The following TFAP2A variants were observed in gnomAD, a reference collection of about 807,000 sequenced individuals.
TFAP2A encodes transcription factor AP-2 alpha.
A neutral mutation model predicts 41.5 loss-of-function variants in TFAP2A; 7 were observed. The observed-to-expected ratio is 0.17, with a 90% CI of 0.10 to 0.32. TFAP2A has a LOEUF of 0.32. TFAP2A is among the 10% of genes least tolerant of loss of function. The pLI, the probability that TFAP2A is intolerant of heterozygous loss-of-function variation, is 1.00. For synonymous variants in TFAP2A, 247 were observed against 242.8 expected (o/e 1.02, Z -0.16); for missense variants, 416 against 563.3 (o/e 0.74, Z 2.65).
chr6:10,404,454 G>C, intron 4 of TFAP2A, 54 bp downstream of exon 4: 1 of 1,337,826 alleles, frequency 7.5e-7, no homozygotes, highest in Non-Finnish European at 9.8e-7. Context: ...CGGCGCAAGC[G>C]CAGTGGTTCC....
chr6:10,402,812 A>C (rs867689118), intron 4 of TFAP2A, among the ~76,000 whole-genome samples: 2 of 152,180 alleles, frequency 1.3e-5, no homozygotes, highest in Non-Finnish European at 2.9e-5. Context: ...AGCACCCCCT[A>C]CGTTCAGTTA....
At chr6:10,399,292 C>T (rs766544605) in intron 6 of TFAP2A, among the ~76,000 whole-genome samples, 9 of 152,192 alleles carry the variant, frequency 5.9e-5, no homozygotes, top group Non-Finnish European at 1.0e-4. Flanking sequence ...AAAAACAAAA[C>T]GGGCCCACAC....
rs542735453 is a variant in TFAP2A at position 10,410,948 on chromosome 6, T to C, written c.52-613A>G. 84 of 158,294 alleles carry C rather than the reference T, an allele frequency of 5.3e-4. 1 individual carries two copies. The highest frequency in any genetic ancestry group is 3.3e-3 in the Middle Eastern group (1 of 300). 9.8% of individuals were successfully genotyped at this position (158,294 alleles called of 1,614,324 possible). On this transcript the variant is annotated intron_variant, in intron 1 of 6. Transcript: ENST00000379613. Reference sequence around the variant, plus strand: ...CCTTTTTCTCGACAGAGTCGATTTATGGTTTGGATAGGGAAAGGGGGACGT... The same window carrying C: ...CCTTTTTCTCGACAGAGTCGATTTACGGTTTGGATAGGGAAAGGGGGACGT...
At chr6:10,404,464 C>T in intron 4 of TFAP2A, 44 bp downstream of exon 4, 2 of 1,429,284 alleles carry the variant, frequency 1.4e-6, no homozygotes, top group Non-Finnish European at 1.9e-6. Flanking sequence ...GCAGTGGTTC[C>T]CCCGGCCGCG....
upstream of TFAP2A, among the ~76,000 whole-genome samples, chr6:10,417,503 C>T (rs1367283895): frequency 1.3e-5 from 2 of 152,214 alleles, no homozygotes; most frequent in African/African-American, 4.8e-5. Context: ...CGCTTCATTG[C>T]ATGTCAATGC....
Position 10,410,229 on chromosome 6 carries a change from G to A in TFAP2A, c.158C>T (p.Ala53Val). 1.6e-6 allele frequency: 1 copy of A among 611,612 alleles called. No homozygotes were observed. Among genetic ancestry groups the A allele is most frequent in the Non-Finnish European group, 2.9e-6 (1 of 349,258 alleles). 37.9% of individuals were successfully genotyped at this position (611,612 alleles called of 1,614,324 possible). A position where few individuals can be genotyped will look rare whatever the true frequency, so the allele number is the denominator to read the frequency against. ...GGGGAAGTATGGGGGCTGGAAGTCG[G>A]CATTGGGGGTGTGGGACAGCGGCGG... ...SAPPLSHTPN[A>V]DFQPPYFPPP... is the part of the protein sequence containing the mutation. Residue 53 changes from alanine to valine, a missense_variant, in exon 2 of 7, where the codon GCC becomes GTC. This residue lies in a region of TFAP2A where 241 missense variants were observed against 274.1 expected (regional missense o/e 0.88). Transcript: ENST00000379613.
chr6:10,404,216 G>A (rs770703605), intron 4 of TFAP2A, among the ~76,000 whole-genome samples: 10 of 152,214 alleles, frequency 6.6e-5, no homozygotes, highest in Non-Finnish European at 1.3e-4. Context: ...GCGCTTGCGC[G>A]AGGAGGAGGG....
At chr6:10,404,957 T>C (rs1757640555) in intron 3 of TFAP2A, 1 of 594,766 alleles carries the variant, frequency 1.7e-6, no homozygotes, top group Non-Finnish European at 3.0e-6. Flanking sequence ...GGCCCTGCCC[T>C]CCCCCAGCCA....
intron 2 of TFAP2A, chr6:10,409,172 A>G (rs1188891953): frequency 1.3e-5 from 2 of 152,270 alleles, no homozygotes; most frequent in South Asian, 2.1e-4. Flanking sequence ...TTTAGAAATC[A>G]TTTTAAACTG....
At chr6:10,402,445 T>A in intron 5 of TFAP2A, 47 bp downstream of exon 5, 4 of 1,389,146 alleles carry the variant, frequency 2.9e-6, no homozygotes, top group Non-Finnish European at 4.1e-6. Context: ...ATATTATCCA[T>A]TTTCCAAGAA....
chr6:10,414,059 G>A (rs751846291), intron 1 of TFAP2A, among the ~76,000 whole-genome samples: 4 of 152,242 alleles, frequency 2.6e-5, no homozygotes, highest in Non-Finnish European at 1.5e-5. Context: ...GAGCTCAGGG[G>A]ACTCTGCGTT....
intron 4 of TFAP2A, among the ~76,000 whole-genome samples, 180 bp from the exon 5 acceptor site, chr6:10,402,790 G>T (rs554342784): frequency 2.2e-4 from 34 of 152,328 alleles, no homozygotes; most frequent in African/African-American, 7.7e-4. Flanking sequence ...ATAAACGCCT[G>T]TTAAACTGTA....
At chr6:10,417,467 A>C (rs942167501), upstream of TFAP2A, among the ~76,000 whole-genome samples, 1 of 152,220 alleles carries the variant, frequency 6.6e-6, no homozygotes, top group Non-Finnish European at 1.5e-5. Context: ...AGCTGCATTT[A>C]TGCCAGCGTC....
intron 4 of TFAP2A, among the ~76,000 whole-genome samples, chr6:10,403,512 G>T (rs544856924): frequency 6.6e-6 from 1 of 152,308 alleles, no homozygotes; most frequent in Admixed American, 6.5e-5. Context: ...TAGGCTTTGT[G>T]CGGGATATAG....
Position 10,404,589 on chromosome 6 carries a change from T to G in TFAP2A, c.689A>C (p.Lys230Thr). The stretch of plus-strand genomic sequence containing the variant: ...CCGCTGCACTTCCGCCACCGTGACC[T>G]TGTACTTCGAGGTGGAGCTGAGGAG... Reference protein sequence around the residue: ...LSLLSSTSKYKVTVAEVQRRL... With the variant: ...LSLLSSTSKYTVTVAEVQRRL... The change falls in exon 4 of 7, where the codon AAG becomes ACG. Residue 230 changes from lysine to threonine, a missense_variant. This residue lies in a region of TFAP2A where 59 missense variants were observed against 135.4 expected (regional missense o/e 0.44). Transcript: ENST00000379613. 2 of 1,614,060 alleles carry G rather than the reference T, an allele frequency of 1.2e-6. No homozygotes were observed. The highest frequency in any genetic ancestry group is 1.7e-6 in the Non-Finnish European group (2 of 1,179,974).
intron 6 of TFAP2A, among the ~76,000 whole-genome samples, chr6:10,399,896 G>GGTCTC (rs538767930): frequency 1.3e-5 from 2 of 148,504 alleles, no homozygotes; most frequent in Non-Finnish European, 3.0e-5. Context: ...TGGGGTGTGG[G>GGTCTC]TCTCTCTCTC....
intron 3 of TFAP2A, 39 bp from the exon 4 acceptor site, chr6:10,404,778 G>T: frequency 6.3e-7 from 1 of 1,583,370 alleles, no homozygotes. Flanking sequence ...TGGGCGTCGT[G>T]GATCACCCCC....
At chr6:10,410,823 G>C in intron 1 of TFAP2A, 1 of 161,704 alleles carries the variant, frequency 6.2e-6, no homozygotes, top group Non-Finnish European at 1.4e-5. Flanking sequence ...AACATATTTC[G>C]CAGAGGGGCT....
At chr6:10,412,652 G>A in intron 1 of TFAP2A, 1 of 322,764 alleles carries the variant, frequency 3.1e-6, no homozygotes. Context: ...GCTTGGGACC[G>A]CGTCCGGGCG....
Sources: allele counts gnomAD v4.1 joint callset (sites outside exome capture counted in the v4.1 genomes callset), GRCh38; gene constraint gnomAD v4.1.1; regional missense constraint gnomAD v4.1.1; transcripts MANE v1.5; gene names NCBI Gene and HGNC (gene_info 2026-07-23, HGNC 2026-07-21).